MAF: variants seen among roughly 807,000 people sequenced by gnomAD.
The protein encoded by MAF is transcription factor Maf.
A neutral mutation model predicts 22.0 loss-of-function variants in MAF; 10 were observed. That is an observed-to-expected ratio of 0.45 (90% CI 0.28 to 0.77). The LOEUF (loss-of-function observed/expected upper bound fraction) is 0.77. Ranked by LOEUF, MAF falls within the 30% of genes least tolerant of loss-of-function variation. The pLI, the probability that MAF is intolerant of heterozygous loss-of-function variation, is 0.12. For synonymous variants in MAF, 337 were observed against 255.8 expected (o/e 1.32, Z -3.03); for missense variants, 544 against 548.4 (o/e 0.99, Z 0.08).
the MAF span, among the ~76,000 whole-genome samples, chr16:79,343,555 G>A: frequency 5.9e-5 from 9 of 152,120 alleles, no homozygotes; most frequent in Admixed American, 5.9e-4. Flanking sequence ...AGATTGCCTG[G>A]TCTGTATCAT....
the MAF span, among the ~76,000 whole-genome samples, chr16:79,419,229 C>T: frequency 6.6e-6 from 1 of 152,064 alleles, no homozygotes; most frequent in East Asian, 1.9e-4. Context: ...AGTTTTGGCT[C>T]CCAGCAGCCT....
chr16:79,476,477 T>C, the MAF span, among the ~76,000 whole-genome samples: 4 of 152,352 alleles, frequency 2.6e-5, no homozygotes, highest in South Asian at 8.3e-4. Flanking sequence ...TGCATCGACA[T>C]TTGAAAGAGT....
At chr16:79,231,738 A>G in the MAF span, among the ~76,000 whole-genome samples, 2 of 152,096 alleles carry the variant, frequency 1.3e-5, no homozygotes, top group Non-Finnish European at 2.9e-5. Flanking sequence ...TTTTCTGTGG[A>G]CCGGAGTTAG....
At chr16:79,483,599 T>A in the MAF span, among the ~76,000 whole-genome samples, 4 of 151,808 alleles carry the variant, frequency 2.6e-5, no homozygotes, top group Admixed American at 2.0e-4. Context: ...GAAGTGACAA[T>A]TGAGAATGAG....
At chr16:79,239,127 A>T in the MAF span, among the ~76,000 whole-genome samples, 3 of 151,994 alleles carry the variant, frequency 2.0e-5, no homozygotes, top group Non-Finnish European at 4.4e-5. Context: ...GGAAAGTGAA[A>T]AGTCAGTCAA....
At chr16:79,576,564 G>C in the MAF span, among the ~76,000 whole-genome samples, 10 of 150,686 alleles carry the variant, frequency 6.6e-5, no homozygotes, top group East Asian at 3.9e-4. Context: ...TTTTTTTTCA[G>C]AGGAGGGCAG....
chr16:79,210,415 A>C, the MAF span, among the ~76,000 whole-genome samples: 92 of 152,322 alleles, frequency 6.0e-4, 1 homozygote, highest in East Asian at 9.6e-4. Context: ...AGCACCCTGC[A>C]TGGTCACAAT....
At chr16:79,433,555 T>C in the MAF span, among the ~76,000 whole-genome samples, 1 of 151,872 alleles carries the variant, frequency 6.6e-6, no homozygotes, top group Non-Finnish European at 1.5e-5. Context: ...CTGAAAATAA[T>C]GGACAGAAGA....
the MAF span, among the ~76,000 whole-genome samples, chr16:79,493,254 C>T: frequency 6.6e-6 from 1 of 152,062 alleles, no homozygotes; most frequent in Non-Finnish European, 1.5e-5. Flanking sequence ...ATGATCTCGA[C>T]TCACTACAAC....
At chr16:79,254,753 C>G in the MAF span, among the ~76,000 whole-genome samples, 6 of 152,134 alleles carry the variant, frequency 3.9e-5, no homozygotes, top group Admixed American at 3.3e-4. Flanking sequence ...AAACCATGCC[C>G]TTCCCTTTGC....
chr16:79,455,887 G>T, the MAF span, among the ~76,000 whole-genome samples: 1 of 152,004 alleles, frequency 6.6e-6, no homozygotes, highest in Non-Finnish European at 1.5e-5. Flanking sequence ...GTGTGGAGGC[G>T]CATTCCTGTA....
the MAF span, among the ~76,000 whole-genome samples, chr16:79,343,180 C>T: frequency 2.3e-4 from 35 of 152,192 alleles, no homozygotes; most frequent in South Asian, 4.8e-3. Context: ...TAAATGTGTC[C>T]TGGTGCCACA....
the MAF span, chr16:79,211,696 G>A: frequency 1.2e-4 from 189 of 1,614,242 alleles, no homozygotes; most frequent in Non-Finnish European, 1.6e-4. Context: ...TGCTGCCGCT[G>A]CATGCCCTCA....
the MAF span, among the ~76,000 whole-genome samples, chr16:79,520,752 A>T: frequency 6.6e-6 from 1 of 152,014 alleles, no homozygotes; most frequent in African/African-American, 2.4e-5. Context: ...GCTAGAGTGT[A>T]TTTCTGCACC....
the MAF span, among the ~76,000 whole-genome samples, chr16:79,302,720 T>C: frequency 6.6e-6 from 1 of 152,262 alleles, no homozygotes; most frequent in Non-Finnish European, 1.5e-5. Context: ...GGAAAAAGAA[T>C]TGATTGATTT....
the MAF span, among the ~76,000 whole-genome samples, chr16:79,535,924 C>T: frequency 2.0e-5 from 3 of 152,156 alleles, no homozygotes; most frequent in African/African-American, 2.4e-5. Context: ...TATGTGATAC[C>T]GCCATGAAGT....
At chr16:79,582,908 A>G (rs1912611556), downstream of MAF, among the ~76,000 whole-genome samples, 1 of 152,222 alleles carries the variant, frequency 6.6e-6, no homozygotes, top group African/African-American at 2.4e-5. Flanking sequence ...GATGGGGTCA[A>G]GACCAGCCAC....
chr16:79,291,122 G>A, the MAF span, among the ~76,000 whole-genome samples: 6 of 152,036 alleles, frequency 3.9e-5, no homozygotes, highest in African/African-American at 1.2e-4. Flanking sequence ...TGGAAGCCCC[G>A]CTTGTGGAAG....
chr16:79,529,631 T>C, the MAF span, among the ~76,000 whole-genome samples: 2 of 152,338 alleles, frequency 1.3e-5, no homozygotes, highest in Middle Eastern at 6.8e-3. Context: ...AATGTCTGAA[T>C]TCATAGTTGG....
Sources: gnomAD v4.1 joint callset for allele counts (sites outside exome capture counted in the v4.1 genomes callset) on GRCh38, gnomAD v4.1.1 for gene constraint, MANE v1.5 for transcripts, NCBI Gene and HGNC (gene_info 2026-07-23, HGNC 2026-07-21) for gene names.